The following CDHR2 variants were observed in gnomAD, a reference collection of about 807,000 sequenced individuals.
CDHR2 encodes cadherin-related family member 2.
A neutral mutation model predicts 138.6 loss-of-function variants in CDHR2; 104 were observed. The observed-to-expected ratio is 0.75, with a 90% CI of 0.64 to 0.88. The LOEUF (loss-of-function observed/expected upper bound fraction) is 0.88. CDHR2 is among the 40% of genes least tolerant of loss of function. The probability of loss-of-function intolerance (pLI) is 0.00; values close to 1 mark genes in which losing one functional copy is unlikely to be tolerated. For missense variants in CDHR2, 1,624 were observed against 1,727.6 expected (o/e 0.94, Z 1.06); for synonymous variants, 755 against 742.8 (o/e 1.02, Z -0.27).
upstream of CDHR2, among the ~76,000 whole-genome samples, chr5:176,544,690 G>A (rs2113237162): frequency 6.6e-6 from 1 of 152,128 alleles, no homozygotes; most frequent in African/African-American, 2.4e-5. Context: ...CGCCCGCCTC[G>A]GCCTCCCAAA....
chr5:176,560,693 G>A (rs1757946315), intron 1 of CDHR2, among the ~76,000 whole-genome samples: 1 of 152,220 alleles, frequency 6.6e-6, no homozygotes, highest in African/African-American at 2.4e-5. Context: ...CCATTGCTGG[G>A]AGCAGGGTCT....
At chr5:176,552,562 A>G (rs1415683760) in intron 1 of CDHR2, among the ~76,000 whole-genome samples, 2 of 152,198 alleles carry the variant, frequency 1.3e-5, no homozygotes, top group East Asian at 1.9e-4. Context: ...GGAGTGACCT[A>G]TCATGGGGAA....
At chr5:176,560,556 A>G (rs1329560250) in intron 1 of CDHR2, among the ~76,000 whole-genome samples, 1 of 151,918 alleles carries the variant, frequency 6.6e-6, no homozygotes. Context: ...CCCTTCTTTC[A>G]CTCTCATCAC....
At chr5:176,578,218 G>C in intron 15 of CDHR2, 123 bp downstream of exon 15, 1 of 1,222,112 alleles carries the variant, frequency 8.2e-7, no homozygotes, top group Admixed American at 2.1e-5. Context: ...TTCAATTTCA[G>C]ATAAACAAGG....
chr5:176,588,729 G>A (rs572444113), intron 21 of CDHR2, among the ~76,000 whole-genome samples: 1 of 151,246 alleles, frequency 6.6e-6, no homozygotes, highest in East Asian at 1.9e-4. Flanking sequence ...GTGTGTGAGA[G>A]AGAGAGAGAG....
At position 176,556,293 on chromosome 5, in the gene CDHR2, C is replaced by T. The variant is rs951488219; in HGVS notation, c.-16+6879C>T. On this transcript the variant is annotated intron_variant, in intron 1 of 31. Coordinates refer to ENST00000261944, the MANE Select transcript of CDHR2 (RefSeq NM_017675.6). The stretch of plus-strand genomic sequence containing the variant: ...CCGAGATGGGAGGATCGCTTGAGCC[C>T]AGGAGTCTGAGGCTGCCCTGAGCCA... Among the ~76,000 whole-genome samples, 4 of 152,166 alleles carry T rather than the reference C, an allele frequency of 2.6e-5. No individual in the cohort carries two copies. In the South Asian group the frequency reaches 8.3e-4, roughly 31 times the overall value.
chr5:176,595,898 G>C (rs1561885239), downstream of CDHR2: 1 of 426,148 alleles, frequency 2.3e-6, no homozygotes, highest in Admixed American at 4.2e-5. Context: ...GGTCACAAGG[G>C]ACTTGGGCTC....
chr5:176,572,703 C>T lies in CDHR2; in HGVS notation c.406-1380C>T, dbSNP rs980979052. On this transcript the variant is annotated intron_variant, in intron 6 of 31. Transcript: ENST00000261944. ...GCAAATACCACCACTCCTGAACTTC[C>T]GTTGCCATGTGCCTGCAAAGACCTT... 2.0e-5 allele frequency among the ~76,000 whole-genome samples: 3 copies of T among 152,200 alleles called. No homozygotes were observed. In the East Asian group the frequency reaches 5.8e-4, roughly 29 times the overall value.
At chr5:176,573,484 ATATAT>A (rs1758281220) in intron 6 of CDHR2, among the ~76,000 whole-genome samples, 1 of 128,790 alleles carries the variant, frequency 7.8e-6, no homozygotes, top group African/African-American at 2.8e-5. Context: ...TATTAAAAAT[ATATAT>A]AAAAAAAATT....
chr5:176,588,604 T>TGC lies in CDHR2; in HGVS notation c.2857-426_2857-425dup, dbSNP rs386405769. Among the ~76,000 whole-genome samples the TGC allele has an allele frequency of 4.0e-5, 6 of 149,270 alleles. No homozygotes were observed. The East Asian group carries it at 9.9e-4, about 25-fold the overall frequency. ...GTGTGAGGGTGTGTATGAGTGTGTG[T>TGC]GCATATGTGTGTAAGTGTGTGTTAG... On this transcript the variant is annotated intron_variant, in intron 21 of 31. Coordinates refer to ENST00000261944, the MANE Select transcript of CDHR2 (RefSeq NM_017675.6).
rs113759967 is a variant in CDHR2 at position 176,568,662 on chromosome 5, C to G, written c.125-16C>G. 5.1e-5 allele frequency: 82 copies of G among 1,613,384 alleles called. 1 individual carries two copies. The Middle Eastern group carries it at 1.3e-3, about 26-fold the overall frequency. On this transcript the variant is annotated splice_polypyrimidine_tract_variant and intron_variant, in intron 3 of 31. Transcript: ENST00000261944. ...GGGTGGCTGTGGACCCTGGGTGGCCCCTGTCCCATCCCCAGGTGCCCAGGC... is the reference window on the plus strand; with the variant it reads ...GGGTGGCTGTGGACCCTGGGTGGCCGCTGTCCCATCCCCAGGTGCCCAGGC...
At chr5:176,580,107 AACAC>A (rs202085342) in intron 16 of CDHR2, among the ~76,000 whole-genome samples, 2 of 148,972 alleles carry the variant, frequency 1.3e-5, no homozygotes, top group African/African-American at 2.5e-5. Context: ...GCAGGACAGG[AACAC>A]ACACACACAC....
upstream of CDHR2, among the ~76,000 whole-genome samples, chr5:176,544,439 C>CTTTCTTTCTCTCTT: frequency 8.8e-5 from 1 of 11,414 alleles, no homozygotes; most frequent in East Asian, 0.017. Context: ...TTCTTTCTTT[C>CTTTCTTTCTCTCTT]TTTCTCTCTT....
intron 1 of CDHR2, among the ~76,000 whole-genome samples, chr5:176,561,293 C>T (rs1189613757): frequency 2.6e-5 from 4 of 152,262 alleles, no homozygotes; most frequent in Non-Finnish European, 2.9e-5. Context: ...CTCAGGTCCA[C>T]ATACCACATT....
upstream of CDHR2, among the ~76,000 whole-genome samples, chr5:176,544,507 T>G (rs1757542707): frequency 6.6e-6 from 1 of 151,154 alleles, no homozygotes. Flanking sequence ...TGGCGCGATC[T>G]CGGTTCACTG....
At chr5:176,577,154 G>A (rs1007017303) in intron 12 of CDHR2, among the ~76,000 whole-genome samples, 2 of 152,030 alleles carry the variant, frequency 1.3e-5, no homozygotes, top group Non-Finnish European at 2.9e-5. Context: ...TGAGGGGTGT[G>A]TGTCCAGGCT....
In CDHR2 at chr5:176,575,497, C is replaced by T. The variant is rs371315136; in HGVS notation, c.769-9C>T. 1.5e-5 allele frequency: 24 copies of T among 1,614,076 alleles called. No individual in the cohort carries two copies. The highest frequency in any genetic ancestry group is 2.0e-5 in the Non-Finnish European group (24 of 1,180,036). ...AAGTTTGAGGAGCACTGACCAGGCC[C>T]CATTCCAGGGAACCTCGGTGCTGAC... On this transcript the variant is annotated splice_polypyrimidine_tract_variant and intron_variant, in intron 9 of 31. Transcript: ENST00000261944.
At chr5:176,544,876 G>C (rs1482187833), upstream of CDHR2, among the ~76,000 whole-genome samples, 1 of 152,156 alleles carries the variant, frequency 6.6e-6, no homozygotes, top group African/African-American at 2.4e-5. Flanking sequence ...GGGAAGTTGA[G>C]GGGTTGAATG....
At chr5:176,583,812 G>C (rs896561401) in intron 17 of CDHR2, among the ~76,000 whole-genome samples, 2 of 152,212 alleles carry the variant, frequency 1.3e-5, no homozygotes, top group East Asian at 3.8e-4. Context: ...AATGGTATTG[G>C]TGCCAACACA....
Sources: gnomAD v4.1 joint callset for allele counts (sites outside exome capture counted in the v4.1 genomes callset) on GRCh38, gnomAD v4.1.1 for gene constraint, MANE v1.5 for transcripts, NCBI Gene and HGNC (gene_info 2026-07-23, HGNC 2026-07-21) for gene names.